The following CNGA1 variants were observed in gnomAD, a reference collection of about 807,000 sequenced individuals.
CNGA1 encodes the protein cyclic nucleotide-gated channel alpha-1.
A neutral mutation model predicts 69.7 loss-of-function variants in CNGA1; 53 were observed. The ratio of observed to expected loss-of-function variants is 0.76; its 90% CI spans 0.61 to 0.96. The LOEUF (loss-of-function observed/expected upper bound fraction) is 0.96. Among genes scored for constraint, CNGA1 ranks in the 40% least tolerant of loss-of-function variants. The pLI is 0.00. For synonymous variants in CNGA1, 249 were observed against 283.5 expected, an observed-to-expected ratio of 0.88 and a Z score of 1.22; for missense variants, 739 against 811.2, an observed-to-expected ratio of 0.91 and a Z score of 1.08.
chr4:47,999,320 A>G (rs1359559813), intron 2 of CNGA1, among the ~76,000 whole-genome samples: 2 of 152,240 alleles, frequency 1.3e-5, no homozygotes, highest in African/African-American at 4.8e-5. Context: ...TATTCCCTGC[A>G]GATAAAAGAG....
At chr4:47,987,124 A>T (rs1253601348) in intron 2 of CNGA1, among the ~76,000 whole-genome samples, 5 of 152,044 alleles carry the variant, frequency 3.3e-5, no homozygotes, top group Admixed American at 3.3e-4. Flanking sequence ...GCTGCATTGG[A>T]TTATCTATTT....
chr4:48,016,672 G>T lies in CNGA1; in HGVS notation c.-412C>A, dbSNP rs1424659821. On this transcript the variant is annotated 5_prime_UTR_variant, in exon 1 of 11. Transcript: ENST00000514170. ...CAACAAGCCCCGGGCAGCAGGGCTC[G>T]GCTGGCGCTGAGGCCCCGCCTGGCC... 1.2e-5 allele frequency: 7 copies of T among 598,970 alleles called. No individual in the cohort carries two copies. The highest frequency in any genetic ancestry group is 6.5e-5 in the South Asian group (3 of 46,014). 37.1% of individuals were successfully genotyped at this position (598,970 alleles called of 1,614,324 possible). A position where few individuals can be genotyped will look rare whatever the true frequency, so the allele number is the denominator to read the frequency against.
rs1246377488 is a variant in CNGA1 at position 47,942,057 on chromosome 4, TC to T, written c.528del (p.Trp176Ter). The T allele has an allele frequency of 6.2e-7, 1 of 1,605,718 alleles. No homozygotes were observed. The highest frequency in any genetic ancestry group is 8.5e-7 in the Non-Finnish European group (1 of 1,172,860). On this transcript the variant is annotated frameshift_variant, in exon 9 of 11. Coordinates refer to ENST00000514170, the MANE Select transcript of CNGA1 (RefSeq NM_001379270.1). LOFTEE classifies it high-confidence loss of function. ...TATAGACACCTGGCAATAACCATTG[TC>T]CAGTTGTACATAACAGGTAATGTGA... ...FCITLPVMYN[W>X]TMVIARACFD...
chr4:48,006,301 A>G (rs1041941589), intron 2 of CNGA1, among the ~76,000 whole-genome samples: 1 of 152,200 alleles, frequency 6.6e-6, no homozygotes, highest in African/African-American at 2.4e-5. Context: ...TGTGGATGAC[A>G]AAAAGTTTTA....
At chr4:48,009,992 TATAG>T (rs1311815824) in intron 2 of CNGA1, among the ~76,000 whole-genome samples, 2 of 152,210 alleles carry the variant, frequency 1.3e-5, no homozygotes, top group East Asian at 1.9e-4. Flanking sequence ...AAGTACATCT[TATAG>T]ATTCATAAAG....
chr4:47,942,003 T>C, intron 9 of CNGA1, 38 bp downstream of exon 9: 2 of 1,217,938 alleles, frequency 1.6e-6, no homozygotes, highest in Non-Finnish European at 2.3e-6. Context: ...AGAAATGGGG[T>C]GAGATCCACA....
chr4:47,996,214 C>T (rs1211266261), intron 2 of CNGA1, among the ~76,000 whole-genome samples: 4 of 152,178 alleles, frequency 2.6e-5, no homozygotes, highest in African/African-American at 9.7e-5. Context: ...GCCTCCCATC[C>T]ACCATGATCC....
At chr4:48,014,958 G>A (rs1715313060) in intron 1 of CNGA1, among the ~76,000 whole-genome samples, 1 of 152,050 alleles carries the variant, frequency 6.6e-6, no homozygotes, top group Admixed American at 6.5e-5. Context: ...GGATCACGAG[G>A]TCAGGAGATT....
chr4:47,996,545 G>A (rs1222846185), intron 2 of CNGA1, among the ~76,000 whole-genome samples: 2 of 151,994 alleles, frequency 1.3e-5, no homozygotes, highest in African/African-American at 4.8e-5. Context: ...TTCACACCAG[G>A]CCTGGCACAA....
chr4:48,005,558 C>T (rs1253999861), intron 2 of CNGA1, among the ~76,000 whole-genome samples: 1 of 152,190 alleles, frequency 6.6e-6, no homozygotes, highest in Admixed American at 6.5e-5. Flanking sequence ...AAGTCAAACC[C>T]AGCCATGGAT....
intron 2 of CNGA1, among the ~76,000 whole-genome samples, chr4:47,989,826 T>A (rs543340150): frequency 1.3e-4 from 20 of 151,722 alleles, no homozygotes; most frequent in East Asian, 1.2e-3. Flanking sequence ...ATTCCCCAAG[T>A]CCATTGTGTC....
chr4:47,970,544 C>T (rs1740958099), intron 3 of CNGA1, among the ~76,000 whole-genome samples: 1 of 151,586 alleles, frequency 6.6e-6, no homozygotes, highest in Non-Finnish European at 1.5e-5. Context: ...CCCAGCTACT[C>T]GGGAGGCTGA....
At chr4:48,010,306 G>A (rs1249490622) in intron 2 of CNGA1, among the ~76,000 whole-genome samples, 1 of 152,162 alleles carries the variant, frequency 6.6e-6, no homozygotes, top group East Asian at 1.9e-4. Context: ...TAAGCTCTGG[G>A]CAGAGCCCAC....
chr4:47,982,150 T>C (rs1375759709), intron 2 of CNGA1, among the ~76,000 whole-genome samples: 1 of 152,254 alleles, frequency 6.6e-6, no homozygotes, highest in African/African-American at 2.4e-5. Flanking sequence ...AGAACTCTTT[T>C]ATGCAATATA....
chr4:48,016,459 ACTCCAC>A lies in CNGA1; in HGVS notation c.-223+18_-223+23del. The A allele has an allele frequency of 3.4e-6, 1 of 290,590 alleles. No homozygotes were observed. Among genetic ancestry groups the A allele is most frequent in the Non-Finnish European group, 6.4e-6 (1 of 156,228 alleles). The allele number at this position is 290,590 out of a possible 1,614,324, so 18.0% of individuals were successfully genotyped here. ...AGAAGGGGGCCTCAGTGCAGCCTCCACTCCACTCAATTCCCGGAGTTACCTTGGCGG... is the reference window on the plus strand; with the variant it reads ...AGAAGGGGGCCTCAGTGCAGCCTCCATCAATTCCCGGAGTTACCTTGGCGG... On this transcript the variant is annotated intron_variant, in intron 1 of 10. Transcript: ENST00000514170.
intron 2 of CNGA1, among the ~76,000 whole-genome samples, chr4:47,992,758 T>TA (rs1038723209): frequency 6.6e-6 from 1 of 152,012 alleles, no homozygotes; most frequent in African/African-American, 2.4e-5. Flanking sequence ...TGGGCATCCT[T>TA]GTCTTGTTCC....
intron 2 of CNGA1, among the ~76,000 whole-genome samples, chr4:47,993,441 C>G (rs1380221857): frequency 6.6e-6 from 1 of 152,092 alleles, no homozygotes; most frequent in Non-Finnish European, 1.5e-5. Flanking sequence ...AGGAATTTAT[C>G]CATCTCTTCT....
chr4:47,936,693 G>T lies in CNGA1; in HGVS notation c.1789C>A (p.Gln597Lys). ...AGTAGACCATCTTTCATTAAAATCT[G>T]CTTCCCTTTCTCTTCCAGCATAGTT... is the stretch of plus-strand genomic sequence containing the variant. ...AKTMLEEKGK[Q>K]ILMKDGLLDL... Residue 597 changes from glutamine (Q) to lysine (K), a missense_variant, in exon 11 of 11, where the codon CAG becomes AAG. By Grantham distance (53) the Gln-to-Lys change is moderately conservative. Coordinates refer to ENST00000514170, the MANE Select transcript of CNGA1 (RefSeq NM_001379270.1). 6.2e-7 allele frequency: 1 copy of T among 1,614,122 alleles called. No individual in the cohort carries two copies. Among genetic ancestry groups the T allele is most frequent in the Non-Finnish European group, 8.5e-7 (1 of 1,180,020 alleles).
At chr4:47,971,711 T>C (rs763503504) in intron 3 of CNGA1, among the ~76,000 whole-genome samples, 4 of 152,272 alleles carry the variant, frequency 2.6e-5, no homozygotes, top group African/African-American at 4.8e-5. Context: ...CTGGCCAACA[T>C]GGTGAAATCC....
Sources: gnomAD v4.1 joint callset for allele counts (sites outside exome capture counted in the v4.1 genomes callset) on GRCh38, gnomAD v4.1.1 for gene constraint, MANE v1.5 for transcripts, NCBI Gene and HGNC (gene_info 2026-07-23, HGNC 2026-07-21) for gene names.